CRYZL1: variants seen among roughly 807,000 people sequenced by gnomAD.
CRYZL1 encodes crystallin zeta like 1.
A neutral mutation model predicts 50.6 loss-of-function variants in CRYZL1; 34 were observed. That is an observed-to-expected ratio of 0.67 (90% CI 0.51 to 0.89). The LOEUF (loss-of-function observed/expected upper bound fraction) is 0.89, where lower values mean the gene tolerates loss of function less well. Among genes scored for constraint, CRYZL1 ranks in the 40% least tolerant of loss-of-function variants. The pLI is 0.00. For missense variants in CRYZL1, 354 were observed against 402.3 expected (o/e 0.88, Z 1.03); for synonymous variants, 125 against 134.3 (o/e 0.93, Z 0.48).
chr21:33,607,696 T>C (rs2086827829), intron 6 of CRYZL1, among the ~76,000 whole-genome samples: 1 of 151,910 alleles, frequency 6.6e-6, no homozygotes, highest in Non-Finnish European at 1.5e-5. Context: ...ACAAATTATA[T>C]ACAAAAAAAA....
At chr21:33,623,112 C>T (rs764922252) in intron 3 of CRYZL1, among the ~76,000 whole-genome samples, 30 of 151,846 alleles carry the variant, frequency 2.0e-4, no homozygotes, top group Non-Finnish European at 4.0e-4. Context: ...ACTACAGGCA[C>T]GTGCCACCAT....
chr21:33,630,688 G>A lies in CRYZL1; in HGVS notation c.66+798C>T, dbSNP rs192579630. ...AAAGCAATATGTCAAAGTGATATCT[G>A]TACCTCCATGTTTACTGCAGCACTA... On this transcript the variant is annotated intron_variant, in intron 2 of 12. Coordinates refer to ENST00000381554, the MANE Select transcript of CRYZL1 (RefSeq NM_145858.3). Among the ~76,000 whole-genome samples, 4 of 152,052 alleles carry A rather than the reference G, an allele frequency of 2.6e-5. No homozygotes were observed. In the East Asian group the frequency reaches 7.7e-4, roughly 29 times the overall value.
At chr21:33,616,083 C>G (rs562684356) in intron 5 of CRYZL1, among the ~76,000 whole-genome samples, 10 of 152,200 alleles carry the variant, frequency 6.6e-5, no homozygotes, top group Admixed American at 2.0e-4. Context: ...CCTCCCCCCC[C>G]CAACCCCACC....
chr21:33,610,732 T>C (rs905450783), intron 6 of CRYZL1, among the ~76,000 whole-genome samples: 2 of 142,826 alleles, frequency 1.4e-5, no homozygotes, highest in African/African-American at 5.2e-5. Context: ...TGGTTGTTTT[T>C]TTTTTTTTTT....
Position 33,624,748 on chromosome 21 carries a change from C to G in CRYZL1, c.79G>C (p.Val27Leu), listed in dbSNP as rs746627994. ...FVFQEKEDLP[V>L]TEDNFVKLQV... is the part of the protein sequence containing the mutation. ...AGTTTCACAAAGTTATCCTCTGTAA[C>G]AGGAAGATCTTCCTAGAACCAAATG... The change falls in exon 3 of 13, where the codon GTT (valine) becomes CTT (leucine). Residue 27 changes from valine (V) to leucine (L), a missense_variant. Val to Leu is a conservative substitution (Grantham distance 32, BLOSUM62 1). Transcript: ENST00000381554. 1 of 1,595,268 alleles carries G rather than the reference C, an allele frequency of 6.3e-7. No homozygotes were observed. The highest frequency in any genetic ancestry group is 2.3e-5 in the East Asian group (1 of 44,336).
chr21:33,604,810 G>A (rs562060737), intron 6 of CRYZL1, among the ~76,000 whole-genome samples: 142 of 152,218 alleles, frequency 9.3e-4, no homozygotes, highest in Middle Eastern at 3.4e-3. Context: ...AAGTGTGTTC[G>A]TATATGAAAA....
At chr21:33,609,409 T>G (rs1179704595) in intron 6 of CRYZL1, among the ~76,000 whole-genome samples, 1 of 151,908 alleles carries the variant, frequency 6.6e-6, no homozygotes, top group African/African-American at 2.4e-5. Context: ...AAGCGATTCT[T>G]CCTTCTCAGC....
chr21:33,639,359 T>G (rs1251480966), intron 1 of CRYZL1, among the ~76,000 whole-genome samples: 2 of 152,222 alleles, frequency 1.3e-5, no homozygotes, highest in African/African-American at 4.8e-5. Flanking sequence ...CAACAGAAAC[T>G]TAACTTTCAT....
At chr21:33,629,227 A>C (rs907342731) in intron 2 of CRYZL1, among the ~76,000 whole-genome samples, 5 of 152,076 alleles carry the variant, frequency 3.3e-5, no homozygotes, top group African/African-American at 1.2e-4. Flanking sequence ...CCTGTCTCAA[A>C]AAACAACAAC....
At chr21:33,618,153 G>T (rs1409093474) in intron 4 of CRYZL1, among the ~76,000 whole-genome samples, 1 of 152,070 alleles carries the variant, frequency 6.6e-6, no homozygotes, top group East Asian at 1.9e-4. Context: ...GCCGGGCGTG[G>T]TGGTGGGTGC....
chr21:33,630,806 T>G (rs529157270), intron 2 of CRYZL1, among the ~76,000 whole-genome samples: 83 of 152,300 alleles, frequency 5.4e-4, no homozygotes, highest in African/African-American at 2.0e-3. Context: ...CAGAATACTA[T>G]TCAGCCATAA....
chr21:33,632,635 C>T (rs2087155189), intron 1 of CRYZL1, among the ~76,000 whole-genome samples: 1 of 152,128 alleles, frequency 6.6e-6, no homozygotes, highest in Admixed American at 6.5e-5. Context: ...GCCTCGGCCT[C>T]CCAAAGTGCT....
At chr21:33,625,723 A>T (rs533937683) in intron 2 of CRYZL1, among the ~76,000 whole-genome samples, 140 of 152,040 alleles carry the variant, frequency 9.2e-4, no homozygotes, top group Middle Eastern at 3.4e-3. Context: ...GGCTCAAGCA[A>T]TCCTCATGCC....
In CRYZL1 at chr21:33,595,392, T is replaced by G. The variant is rs1052942459; in HGVS notation, c.904+339A>C. 4.5e-6 allele frequency: 6 copies of G among 1,321,556 alleles called. No homozygotes were observed. The African/African-American group carries it at 9.0e-5, about 20-fold the overall frequency. The allele number at this position is 1,321,556 out of a possible 1,614,324, so 81.9% of individuals were successfully genotyped here. On this transcript the variant is annotated intron_variant, in intron 11 of 12. Transcript: ENST00000381554. Reference sequence around the variant, plus strand: ...ATGTGTGCTTTCCTTAATGTGAGGTTAAAAACAAAATCTTCCAGGTATCTT... The same window carrying G: ...ATGTGTGCTTTCCTTAATGTGAGGTGAAAAACAAAATCTTCCAGGTATCTT...
intron 11 of CRYZL1, among the ~76,000 whole-genome samples, chr21:33,593,552 C>T (rs2086663667): frequency 6.6e-6 from 1 of 152,196 alleles, no homozygotes; most frequent in Non-Finnish European, 1.5e-5. Context: ...ATTTCATATA[C>T]ACATGTCATG....
intron 1 of CRYZL1, among the ~76,000 whole-genome samples, chr21:33,640,367 G>A (rs2087265888): frequency 1.3e-5 from 2 of 151,694 alleles, no homozygotes; most frequent in Admixed American, 1.3e-4. Context: ...CACTGCAATG[G>A]CTGCGGGATC....
intron 1 of CRYZL1, among the ~76,000 whole-genome samples, chr21:33,639,521 A>G (rs1009585226): frequency 2.6e-5 from 4 of 152,158 alleles, no homozygotes; most frequent in African/African-American, 7.2e-5. Context: ...GATGAGAATA[A>G]CTAATTGAGG....
intron 1 of CRYZL1, among the ~76,000 whole-genome samples, chr21:33,632,463 C>T (rs1349799056): frequency 6.6e-6 from 1 of 151,882 alleles, no homozygotes; most frequent in Non-Finnish European, 1.5e-5. Flanking sequence ...CTGCAACCTC[C>T]GTTTCCCAGG....
chr21:33,598,619 G>A (rs1473988348), intron 9 of CRYZL1, among the ~76,000 whole-genome samples: 1 of 152,206 alleles, frequency 6.6e-6, no homozygotes, highest in Non-Finnish European at 1.5e-5. Flanking sequence ...GAAAAGGCAT[G>A]AGAATGATGC....
Sources: gnomAD v4.1 joint callset for allele counts (sites outside exome capture counted in the v4.1 genomes callset) on GRCh38, gnomAD v4.1.1 for gene constraint, MANE v1.5 for transcripts, NCBI Gene and HGNC (gene_info 2026-07-23, HGNC 2026-07-21) for gene names.